Variants in PCDHGB3 observed in about 807,000 individuals in gnomAD.
PCDHGB3 encodes protocadherin gamma subfamily B, 3, also known as protocadherin gamma-B3.
Under a neutral mutation model 59.2 loss-of-function variants are expected in PCDHGB3, and 40 were observed. The observed-to-expected ratio is 0.68, with a 90% CI of 0.52 to 0.88. PCDHGB3 has a LOEUF of 0.88. PCDHGB3 is among the 40% of genes least tolerant of loss of function. The pLI is 0.00. For synonymous variants in PCDHGB3, 581 were observed against 503.6 expected, an observed-to-expected ratio of 1.15 and a Z score of -2.06; for missense variants, 1,309 against 1,187.9, an observed-to-expected ratio of 1.10 and a Z score of -1.50.
rs768994533 is a variant in PCDHGB3 at position 141,486,589 on chromosome 5, C to G, written c.2416-8218C>G. On this transcript the variant is annotated intron_variant, in intron 1 of 3. Transcript: ENST00000576222. This position sits in a 1 kb window ranked among gnomAD's most constrained non-coding sequence, Gnocchi z 5.0. Reference sequence around the variant, plus strand: ...TTCCTGAGAACAATCGCCCAGGGGACCTGCTTTGCTCCCTTGCAGCCTCTG... The same window carrying G: ...TTCCTGAGAACAATCGCCCAGGGGAGCTGCTTTGCTCCCTTGCAGCCTCTG... 1 of 1,613,676 alleles carries G rather than the reference C, an allele frequency of 6.2e-7. No individual in the cohort carries two copies. Among genetic ancestry groups the G allele is most frequent in the Non-Finnish European group, 8.5e-7 (1 of 1,179,996 alleles).
At chr5:141,444,621 G>A (rs1265458898) in intron 1 of PCDHGB3, among the ~76,000 whole-genome samples, 1 of 152,132 alleles carries the variant, frequency 6.6e-6, no homozygotes, top group Non-Finnish European at 1.5e-5. Flanking sequence ...CATGTGGCAT[G>A]ATGCACCAGT....
In PCDHGB3 at chr5:141,399,219, G is replaced by A. The variant is rs775267424; in HGVS notation, c.2415+26410G>A. The A allele has an allele frequency of 2.5e-6, 4 of 1,613,924 alleles. No homozygotes were observed. The South Asian group carries it at 3.3e-5, about 13-fold the overall frequency. On this transcript the variant is annotated intron_variant, in intron 1 of 3. Coordinates refer to ENST00000576222, the MANE Select transcript of PCDHGB3 (RefSeq NM_018924.5). Reference sequence around the variant, plus strand: ...CGGTGCCTGGAACACTAATTGCTTTGATCAAAATACATGACCAAGATTCTG... The same window carrying A: ...CGGTGCCTGGAACACTAATTGCTTTAATCAAAATACATGACCAAGATTCTG...
At chr5:141,399,445 G>A (rs2093810599) in intron 1 of PCDHGB3, 1 of 1,614,032 alleles carries the variant, frequency 6.2e-7, no homozygotes, top group Non-Finnish European at 8.5e-7. Context: ...ACATATCAGA[G>A]ACGTCAACGA....
intron 1 of PCDHGB3, chr5:141,422,519 C>T (rs1297821851): frequency 6.2e-7 from 1 of 1,613,968 alleles, no homozygotes; most frequent in African/African-American, 1.3e-5. Context: ...CAGGGAAGCC[C>T]GCCTTTGTCT....
chr5:141,475,741 G>C (rs1455125695), intron 1 of PCDHGB3, among the ~76,000 whole-genome samples: 1 of 152,268 alleles, frequency 6.6e-6, no homozygotes, highest in Non-Finnish European at 1.5e-5. Flanking sequence ...CCCTAAGGTA[G>C]GTTTCCTATG....
At chr5:141,390,969 G>A (rs1232299434) in intron 1 of PCDHGB3, 5 of 152,168 alleles carry the variant, frequency 3.3e-5, no homozygotes, top group African/African-American at 4.8e-5. Flanking sequence ...TGTAACATAG[G>A]AGTTTCAGGA....
At chr5:141,422,588 C>A in intron 1 of PCDHGB3, 1 of 1,614,056 alleles carries the variant, frequency 6.2e-7, no homozygotes, top group South Asian at 1.1e-5. Flanking sequence ...CCCGTTTTTC[C>A]TCACTCCTCT....
chr5:141,425,962 C>T (rs2096906059), intron 1 of PCDHGB3, among the ~76,000 whole-genome samples: 2 of 152,236 alleles, frequency 1.3e-5, no homozygotes, highest in African/African-American at 2.4e-5. Flanking sequence ...TAGTCCAACA[C>T]ATCAGTCTAA....
At chr5:141,506,278 G>A (rs1001662623) in intron 3 of PCDHGB3, among the ~76,000 whole-genome samples, 1 of 152,090 alleles carries the variant, frequency 6.6e-6, no homozygotes. Flanking sequence ...GTGAAACCCT[G>A]TCTCTACTAA....
intron 1 of PCDHGB3, chr5:141,395,944 C>G (rs1218959085): frequency 6.6e-6 from 1 of 151,840 alleles, no homozygotes; most frequent in East Asian, 1.9e-4. Context: ...CATTGCTCCC[C>G]CAAACAAAAA....
rs780436102 is a variant in PCDHGB3 at position 141,431,846 on chromosome 5, G to T, written c.2415+59037G>T. On this transcript the variant is annotated intron_variant, in intron 1 of 3. Coordinates refer to ENST00000576222, the MANE Select transcript of PCDHGB3 (RefSeq NM_018924.5). The surrounding 1 kb of genome is among the most constrained non-coding windows in gnomAD (Gnocchi z 4.8). ...CTCGGTTCCCGAAAACTCTCCCAGA[G>T]GGACATTAATTGCCCTTTTAAATGT... 4 of 1,614,274 alleles carry T rather than the reference G, an allele frequency of 2.5e-6. No homozygotes were observed. The South Asian group carries it at 4.4e-5, about 18-fold the overall frequency.
chr5:141,495,077 C>T (rs1237589417), intron 2 of PCDHGB3, among the ~76,000 whole-genome samples: 4 of 152,180 alleles, frequency 2.6e-5, no homozygotes, highest in African/African-American at 9.7e-5. Flanking sequence ...AATTCACATG[C>T]TTGCCCCTTC....
chr5:141,370,488 C>A lies in PCDHGB3; in HGVS notation c.94C>A (p.Pro32Thr), dbSNP rs758506114. 2 of 1,613,906 alleles carry A rather than the reference C, an allele frequency of 1.2e-6. No homozygotes were observed. The highest frequency in any genetic ancestry group is 3.3e-5 in the Admixed American group (2 of 60,030). ...TTTGTTAGACCAGGCTCTCTCCGAA[C>A]CGATCCGCTACGCTATTCCCGAGGA... Reference protein sequence around the residue: ...LSLLDQALSEPIRYAIPEELD... With the variant: ...LSLLDQALSETIRYAIPEELD... Residue 32 changes from proline to threonine, a missense_variant, in exon 1 of 4, where the codon CCG (proline) becomes ACG (threonine). Transcript: ENST00000576222.
chr5:141,472,268 A>G (rs399559), intron 1 of PCDHGB3, among the ~76,000 whole-genome samples: 152,324 of 152,332 alleles, frequency 1, 76,158 homozygotes, highest in Middle Eastern at 1. Flanking sequence ...ATAGCCGGGC[A>G]CAGTGGCTCA....
At chr5:141,408,936 A>T in intron 1 of PCDHGB3, 4 of 1,613,548 alleles carry the variant, frequency 2.5e-6, no homozygotes, top group Non-Finnish European at 1.7e-6. Flanking sequence ...TTCAGCAGAG[A>T]CGAATATAGA....
chr5:141,404,545 G>A (rs763601254), intron 1 of PCDHGB3: 1 of 1,613,940 alleles, frequency 6.2e-7, no homozygotes, highest in Admixed American at 1.7e-5. Context: ...TGCAAATGCA[G>A]GTGACGGCAA....
Position 141,370,893 on chromosome 5 carries a change from C to G in PCDHGB3, c.499C>G (p.Leu167Val), listed in dbSNP as rs116495533. Residue 167 changes from leucine (L) to valine (V), a missense_variant, in exon 1 of 4, where the codon CTG becomes GTG. Coordinates refer to ENST00000576222, the MANE Select transcript of PCDHGB3 (RefSeq NM_018924.5). ...AGATCCTGATGTAGGTGTCAATTCG[C>G]TGCAGCAGTACTACCTCAGCCCTGA... ...AQDPDVGVNS[L>V]QQYYLSPDPH... is the part of the protein sequence containing the mutation. The G allele has an allele frequency of 1.9e-3, 3,002 of 1,614,052 alleles. 48 individuals carry two copies. In the African/African-American group the frequency reaches 0.033, roughly 18 times the overall value.
chr5:141,410,843 C>CTTTTTAT, intron 1 of PCDHGB3: 1 of 216,280 alleles, frequency 4.6e-6, no homozygotes. Context: ...GATATTTTGT[C>CTTTTTAT]TTTGTCTTTT....
rs1194909537 is a variant in PCDHGB3 at position 141,511,022 on chromosome 5, T to C, written c.2639T>C (p.Phe880Ser). 1 of 1,614,176 alleles carries C rather than the reference T, an allele frequency of 6.2e-7. No individual in the cohort carries two copies. The highest frequency in any genetic ancestry group is 8.5e-7 in the Non-Finnish European group (1 of 1,180,020). ...MGLSARYGPQ[F>S]TLQHVPDYRQ... ...TTGAGCGCCCGCTACGGACCCCAGT[T>C]CACCCTGCAGCACGTGCCCGACTAC... The change falls in exon 4 of 4, where the codon TTC becomes TCC. Residue 880 changes from phenylalanine (F) to serine (S), a missense_variant. Transcript: ENST00000576222.
Sources: gnomAD v4.1 joint callset for allele counts (sites outside exome capture counted in the v4.1 genomes callset) on GRCh38, gnomAD v4.1.1 for gene constraint, Gnocchi (gnomAD v3.1) non-coding constraint, MANE v1.5 for transcripts, NCBI Gene and HGNC (gene_info 2026-07-23, HGNC 2026-07-21) for gene names.